MROH9: variants seen among roughly 807,000 people sequenced by gnomAD.
The protein encoded by MROH9 is maestro heat-like repeat-containing protein family member 9.
In MROH9, 92 loss-of-function variants were observed where a neutral mutation model predicts 98.2. The ratio of observed to expected loss-of-function variants is 0.94; its 90% CI spans 0.79 to 1.11. MROH9 has a LOEUF of 1.11. Ranked by LOEUF, MROH9 falls within the 50% of genes most tolerant of loss-of-function variation. The pLI, the probability that MROH9 is intolerant of heterozygous loss-of-function variation, is 0.00. For synonymous variants in MROH9, 397 were observed against 368.9 expected, an observed-to-expected ratio of 1.08 and a Z score of -0.87; for missense variants, 1,057 against 1,014.8, an observed-to-expected ratio of 1.04 and a Z score of -0.57.
chr1:171,028,316 T>G (rs1652794763), intron 20 of MROH9, among the ~76,000 whole-genome samples: 1 of 152,200 alleles, frequency 6.6e-6, no homozygotes, highest in Non-Finnish European at 1.5e-5. Context: ...TTAGCAGGTT[T>G]GTCGAAAATC....
intron 20 of MROH9, among the ~76,000 whole-genome samples, chr1:171,039,068 T>G (rs894808527): frequency 2.6e-5 from 4 of 152,150 alleles, no homozygotes; most frequent in Non-Finnish European, 5.9e-5. Context: ...CACCACCAAA[T>G]GCATTCTTCC....
intron 8 of MROH9, among the ~76,000 whole-genome samples, chr1:170,978,843 G>A (rs1271172691): frequency 1.3e-5 from 2 of 152,090 alleles, no homozygotes; most frequent in African/African-American, 4.8e-5. Context: ...ATCCAGACCA[G>A]CCTTTGGTCC....
chr1:171,005,683 G>T (rs1235915028), intron 15 of MROH9, among the ~76,000 whole-genome samples: 1 of 151,692 alleles, frequency 6.6e-6, no homozygotes, highest in Non-Finnish European at 1.5e-5. Context: ...AGTCATTATG[G>T]TTTTTTTTAC....
intron 20 of MROH9, among the ~76,000 whole-genome samples, chr1:171,054,895 A>C (rs1653781225): frequency 6.6e-6 from 1 of 152,238 alleles, no homozygotes; most frequent in Non-Finnish European, 1.5e-5. Context: ...ACACTTTTAC[A>C]CTGCTGGTGG....
intron 1 of MROH9, among the ~76,000 whole-genome samples, chr1:170,940,924 A>G (rs1390687051): frequency 6.6e-6 from 1 of 152,176 alleles, no homozygotes; most frequent in Non-Finnish European, 1.5e-5. Flanking sequence ...TCCGGCAACC[A>G]GTATGCGGAT....
chr1:170,950,202 C>A (rs953225062), intron 3 of MROH9, among the ~76,000 whole-genome samples: 5 of 152,012 alleles, frequency 3.3e-5, no homozygotes, highest in African/African-American at 1.2e-4. Flanking sequence ...TACCCTAAAA[C>A]CAAAATCCTT....
In MROH9 at chr1:170,945,503, C is replaced by A. The variant is rs1446998392; in HGVS notation, c.-37-17C>A. On this transcript the variant is annotated splice_polypyrimidine_tract_variant and intron_variant, in intron 1 of 21. Coordinates refer to ENST00000367759, the MANE Select transcript of MROH9 (RefSeq NM_001163629.2). ...AAAGTTTCTGGTTTATGTACTAATA[C>A]GTGATATTTTTTGCAGCATTACTAG... is the stretch of plus-strand genomic sequence containing the variant. 17 of 1,586,312 alleles carry A rather than the reference C, an allele frequency of 1.1e-5. No individual in the cohort carries two copies. The highest frequency in any genetic ancestry group is 1.5e-5 in the Non-Finnish European group (17 of 1,155,740).
At position 170,993,157 on chromosome 1, in the gene MROH9, A is replaced by G. The variant is rs142497613; in HGVS notation, c.1194+828A>G. 3.2e-3 allele frequency among the ~76,000 whole-genome samples: 491 copies of G among 152,304 alleles called. 2 individuals are homozygous for G. Among genetic ancestry groups the G allele is most frequent in the African/African-American group, 0.011 (473 of 41,576 alleles). On this transcript the variant is annotated intron_variant, in intron 12 of 21. Coordinates refer to ENST00000367759, the MANE Select transcript of MROH9 (RefSeq NM_001163629.2). The stretch of plus-strand genomic sequence containing the variant: ...TTTCTATCATCTAATTGAATCCCCA[A>G]ACTGTAATGACAGGTTTGGAATTAG...
At chr1:171,046,954 T>G (rs533369268) in intron 20 of MROH9, among the ~76,000 whole-genome samples, 83 of 152,292 alleles carry the variant, frequency 5.5e-4, no homozygotes, top group Non-Finnish European at 9.9e-4. Context: ...TAGTGTAACA[T>G]AGTTTTCCTT....
chr1:171,036,526 C>A (rs906046268), intron 20 of MROH9, among the ~76,000 whole-genome samples: 5 of 151,888 alleles, frequency 3.3e-5, no homozygotes, highest in African/African-American at 1.2e-4. Context: ...TCCTATAAAT[C>A]TGTAATACCA....
chr1:170,974,459 G>A (rs866045217), intron 8 of MROH9, among the ~76,000 whole-genome samples: 2 of 151,880 alleles, frequency 1.3e-5, no homozygotes, highest in Admixed American at 6.6e-5. Flanking sequence ...AGATAAGGGT[G>A]ACAGCAGATT....
chr1:171,014,393 T>C, intron 16 of MROH9, 139 bp downstream of exon 16: 1 of 749,974 alleles, frequency 1.3e-6, no homozygotes, highest in Non-Finnish European at 2.0e-6. Flanking sequence ...CCTGCTGTTT[T>C]ATTAACAAGG....
At chr1:170,976,354 C>T in intron 8 of MROH9, among the ~76,000 whole-genome samples, 1 of 135,284 alleles carries the variant, frequency 7.4e-6, no homozygotes, top group African/African-American at 2.7e-5. Flanking sequence ...TAATGAATTT[C>T]TTCAGCATTT....
intron 3 of MROH9, among the ~76,000 whole-genome samples, chr1:170,950,701 A>C (rs1389496919): frequency 6.6e-6 from 1 of 152,104 alleles, no homozygotes. Context: ...TGTTCAAACA[A>C]ATAAATAAGG....
chr1:171,024,611 G>C (rs1482724869), intron 18 of MROH9, 38 bp from the exon 19 acceptor site: 6 of 1,536,656 alleles, frequency 3.9e-6, no homozygotes, highest in Non-Finnish European at 5.3e-6. Context: ...TCTAACAACA[G>C]ATGAATAGAT....
intron 20 of MROH9, among the ~76,000 whole-genome samples, chr1:171,042,172 A>T (rs1653329393): frequency 6.6e-6 from 1 of 151,646 alleles, no homozygotes; most frequent in African/African-American, 2.4e-5. Flanking sequence ...CCATCCTTCT[A>T]CTCTCTATGT....
intron 1 of MROH9, among the ~76,000 whole-genome samples, chr1:170,935,982 C>CAAAAAAAAAAAAA (rs59883013): frequency 3.2e-4 from 20 of 62,252 alleles, no homozygotes; most frequent in East Asian, 6.6e-4. Context: ...CAGAGTGAGA[C>CAAAAAAAAAAAAA]AAAAAAAAAA....
chr1:170,967,560 A>G (rs1001455940), intron 7 of MROH9, among the ~76,000 whole-genome samples: 1 of 152,196 alleles, frequency 6.6e-6, no homozygotes, highest in Non-Finnish European at 1.5e-5. Context: ...CTCATTTGTT[A>G]TCTGGTACTG....
chr1:171,023,907 C>T (rs1410829645), intron 17 of MROH9, among the ~76,000 whole-genome samples: 1 of 152,160 alleles, frequency 6.6e-6, no homozygotes, highest in East Asian at 1.9e-4. Flanking sequence ...CCCCCAGTGC[C>T]TCCCACCACC....
Sources: allele counts gnomAD v4.1 joint callset (sites outside exome capture counted in the v4.1 genomes callset), GRCh38; gene constraint gnomAD v4.1.1; transcripts MANE v1.5; gene names NCBI Gene and HGNC (gene_info 2026-07-23, HGNC 2026-07-21).